Variants in CCDC148 observed in about 807,000 individuals in gnomAD.
CCDC148 encodes the protein coiled-coil domain-containing protein 148.
Under a neutral mutation model 85.7 loss-of-function variants are expected in CCDC148, and 89 were observed. The ratio of observed to expected loss-of-function variants is 1.04; its 90% CI spans 0.87 to 1.24. CCDC148 has a LOEUF of 1.24. Ranked by LOEUF, CCDC148 falls within the 50% of genes most tolerant of loss-of-function variation. CCDC148 has a pLI of 0.00. For synonymous variants in CCDC148, 230 were observed against 213.9 expected, an observed-to-expected ratio of 1.08 and a Z score of -0.66; for missense variants, 692 against 671.7, an observed-to-expected ratio of 1.03 and a Z score of -0.33.
chr2:158,173,305 T>C (rs919571807), intron 13 of CCDC148, among the ~76,000 whole-genome samples: 1 of 152,022 alleles, frequency 6.6e-6, no homozygotes, highest in African/African-American at 2.4e-5. Context: ...CTGGTTACCA[T>C]TGAGGAACAC....
In CCDC148 at chr2:158,191,865, G is replaced by T. The variant is rs182347257; in HGVS notation, c.1371-12869C>A. Reference sequence around the variant, plus strand: ...CCTAGAGTTCTGCCAAGTGAACCCTGGTGTTTGGATTTCAGGAGGAGAGCC... The same window carrying T: ...CCTAGAGTTCTGCCAAGTGAACCCTTGTGTTTGGATTTCAGGAGGAGAGCC... On this transcript the variant is annotated intron_variant, in intron 11 of 13. Coordinates refer to ENST00000283233, the MANE Select transcript of CCDC148 (RefSeq NM_138803.4). Among the ~76,000 whole-genome samples, 398 of 152,022 alleles carry T rather than the reference G, an allele frequency of 2.6e-3. 1 individual carries two copies. Among genetic ancestry groups the T allele is most frequent in the African/African-American group, 9.0e-3 (372 of 41,486 alleles).
intron 11 of CCDC148, among the ~76,000 whole-genome samples, chr2:158,186,075 T>C (rs1186849520): frequency 6.6e-6 from 1 of 151,718 alleles, no homozygotes; most frequent in Non-Finnish European, 1.5e-5. Flanking sequence ...AGAGGGTACC[T>C]GCAGAGAGGA....
At chr2:158,367,113 T>C (rs1230550261) in intron 1 of CCDC148, among the ~76,000 whole-genome samples, 2 of 152,054 alleles carry the variant, frequency 1.3e-5, no homozygotes, top group Non-Finnish European at 2.9e-5. Flanking sequence ...TCAGCAGCCA[T>C]CAGTAAGTTA....
At chr2:158,419,331 C>A (rs1435887419) in intron 1 of CCDC148, among the ~76,000 whole-genome samples, 1 of 152,126 alleles carries the variant, frequency 6.6e-6, no homozygotes, top group Non-Finnish European at 1.5e-5. Context: ...TTTTAAAAAA[C>A]CTTTTTTTAC....
intron 5 of CCDC148, 65 bp downstream of exon 5, chr2:158,340,177 C>G: frequency 6.8e-7 from 1 of 1,475,952 alleles, no homozygotes; most frequent in Non-Finnish European, 9.3e-7. Flanking sequence ...TTTCTTATCT[C>G]AAACTCTTCT....
chr2:158,412,600 T>G (rs1686308245), intron 1 of CCDC148, among the ~76,000 whole-genome samples: 1 of 152,134 alleles, frequency 6.6e-6, no homozygotes, highest in African/African-American at 2.4e-5. Flanking sequence ...AGGAAGCACT[T>G]TATGGAAAAT....
intron 9 of CCDC148, among the ~76,000 whole-genome samples, chr2:158,270,369 G>A (rs1373866913): frequency 6.6e-6 from 1 of 152,188 alleles, no homozygotes; most frequent in Admixed American, 6.5e-5. Context: ...CAGGGCTGGA[G>A]AGATGACACA....
chr2:158,202,005 TAGAG>T (rs1047005116), intron 11 of CCDC148, among the ~76,000 whole-genome samples: 1 of 151,776 alleles, frequency 6.6e-6, no homozygotes, highest in Non-Finnish European at 1.5e-5. Context: ...TGTGTGAAGG[TAGAG>T]AGAGAGAGTA....
At chr2:158,227,669 T>C (rs1687620945) in intron 10 of CCDC148, among the ~76,000 whole-genome samples, 1 of 152,236 alleles carries the variant, frequency 6.6e-6, no homozygotes, top group South Asian at 2.1e-4. Context: ...TACAACCATC[T>C]GATCTTTGAC....
At chr2:158,317,810 T>C (rs185599686) in intron 7 of CCDC148, among the ~76,000 whole-genome samples, 1 of 152,310 alleles carries the variant, frequency 6.6e-6, no homozygotes, top group African/African-American at 2.4e-5. Flanking sequence ...CTGTTTTATG[T>C]TTTCTCAGAG....
chr2:158,217,370 G>GTATATA (rs1453254522), intron 11 of CCDC148, among the ~76,000 whole-genome samples: 18 of 75,502 alleles, frequency 2.4e-4, no homozygotes, highest in African/African-American at 7.0e-4. Flanking sequence ...TTTTGTGTGT[G>GTATATA]TGTGTATATA....
Position 158,358,499 on chromosome 2 carries a change from G to A in CCDC148, c.97C>T (p.Arg33Cys), listed in dbSNP as rs377450369. Residue 33 changes from arginine (R) to cysteine (C), a missense_variant, in exon 2 of 14, where the codon CGT becomes TGT. Physicochemically the swap from Arg to Cys is radical, Grantham distance 180. Coordinates refer to ENST00000283233, the MANE Select transcript of CCDC148 (RefSeq NM_138803.4). ...KYKPVDYQQL[R>C]ALTEAKKLAS... ...AATTTCTTTGCTTCAGTTAATGCACGCAATTGTTGATAGTCTACTGGTTTG... is the reference window on the plus strand; with the variant it reads ...AATTTCTTTGCTTCAGTTAATGCACACAATTGTTGATAGTCTACTGGTTTG... The A allele has an allele frequency of 8.7e-6, 14 of 1,607,838 alleles. No individual in the cohort carries two copies. Among genetic ancestry groups the A allele is most frequent in the African/African-American group, 4.0e-5 (3 of 74,576 alleles).
Position 158,358,554 on chromosome 2 carries a change from A to T in CCDC148, c.42T>A (p.His14Gln). Residue 14 changes from histidine to glutamine, a missense_variant, in exon 2 of 14, where the codon CAT becomes CAA. Physicochemically the swap from His to Gln is conservative, Grantham distance 24. Transcript: ENST00000283233. ...ASASPDNLVF[H>Q]MKNEMRNIKY... ...TGATGTTTCTCATCTCATTTTTCAT[A>T]TGGAATACCAGATTATCTATTAGTC... The T allele has an allele frequency of 6.3e-7, 1 of 1,582,996 alleles. No individual in the cohort carries two copies. The highest frequency in any genetic ancestry group is 8.6e-7 in the Non-Finnish European group (1 of 1,163,108).
intron 9 of CCDC148, among the ~76,000 whole-genome samples, chr2:158,302,693 A>G (rs1691501451): frequency 6.6e-6 from 1 of 151,884 alleles, no homozygotes; most frequent in Non-Finnish European, 1.5e-5. Flanking sequence ...CTGAGGCAGG[A>G]GAATCACTTG....
intron 1 of CCDC148, among the ~76,000 whole-genome samples, chr2:158,417,922 A>G (rs1300568983): frequency 6.6e-6 from 1 of 152,242 alleles, no homozygotes; most frequent in Non-Finnish European, 1.5e-5. Context: ...CAATTTTTGC[A>G]TCATTCTGCT....
At chr2:158,248,242 G>A (rs932539680) in intron 10 of CCDC148, among the ~76,000 whole-genome samples, 1 of 152,014 alleles carries the variant, frequency 6.6e-6, no homozygotes, top group Non-Finnish European at 1.5e-5. Flanking sequence ...CTCTGGGGAG[G>A]AAAGAAGGGA....
chr2:158,232,183 C>T (rs1687887507), intron 10 of CCDC148, among the ~76,000 whole-genome samples: 2 of 152,156 alleles, frequency 1.3e-5, no homozygotes, highest in African/African-American at 2.4e-5. Context: ...TACTATTATA[C>T]TTCTGATTTG....
intron 1 of CCDC148, chr2:158,447,263 T>C (rs888521914): frequency 1.3e-5 from 2 of 152,218 alleles, no homozygotes; most frequent in African/African-American, 4.8e-5. Flanking sequence ...ACCTGCCCTG[T>C]TTCCAACCTG....
chr2:158,252,975 C>T (rs1688856767), intron 9 of CCDC148, among the ~76,000 whole-genome samples: 1 of 151,770 alleles, frequency 6.6e-6, no homozygotes, highest in African/African-American at 2.4e-5. Context: ...CTTCTCCTTT[C>T]CAAATATCCT....
Sources: allele counts gnomAD v4.1 joint callset (sites outside exome capture counted in the v4.1 genomes callset), GRCh38; gene constraint gnomAD v4.1.1; transcripts MANE v1.5; gene names NCBI Gene and HGNC (gene_info 2026-07-23, HGNC 2026-07-21).